The following RIC1 variants were observed in gnomAD, a reference collection of about 807,000 sequenced individuals.
RIC1 encodes the protein guanine nucleotide exchange factor subunit RIC1.
A neutral mutation model predicts 169.0 loss-of-function variants in RIC1; 88 were observed. That is an observed-to-expected ratio of 0.52 (90% CI 0.44 to 0.62). RIC1 has a LOEUF of 0.62. Ranked by LOEUF, RIC1 falls within the 20% of genes least tolerant of loss-of-function variation. RIC1 has a pLI of 0.00. For missense variants in RIC1, 1,877 were observed against 1,725.5 expected (o/e 1.09, Z -1.56); for synonymous variants, 790 against 601.5 (o/e 1.31, Z -4.59).
At chr9:5,739,515 A>G (rs991445773) in intron 8 of RIC1, among the ~76,000 whole-genome samples, 8 of 152,122 alleles carry the variant, frequency 5.3e-5, no homozygotes, top group Admixed American at 3.3e-4. Flanking sequence ...CTCATGGGTC[A>G]TACTCTCAAC....
chr9:5,646,990 TATAAG>T (rs1421070441), intron 1 of RIC1, among the ~76,000 whole-genome samples: 1 of 152,212 alleles, frequency 6.6e-6, no homozygotes, highest in African/African-American at 2.4e-5. Flanking sequence ...TTGTATATAG[TATAAG>T]ATAAGGGTCC....
chr9:5,720,729 G>A lies in RIC1; in HGVS notation c.699G>A (p.Val233=), dbSNP rs369332777. 5.6e-6 allele frequency: 9 copies of A among 1,609,014 alleles called. 1 individual carries two copies. The East Asian group carries it at 6.7e-5, about 12-fold the overall frequency. The change falls in exon 6 of 26, where the codon GTG becomes GTA. Residue 233 remains valine (V), a synonymous_variant. Transcript: ENST00000414202. ...GTAAAGTTGGATTTATTACACCAGT[G>A]TCAAGTAGATTTACTGCAGAGGTAT... ...NDGKVGFITP[V]SSRFTAEQLH... is the part of the protein sequence containing the mutation.
chr9:5,747,652 T>C, intron 12 of RIC1, 147 bp downstream of exon 12: 1 of 703,176 alleles, frequency 1.4e-6, no homozygotes, highest in East Asian at 2.7e-5. Flanking sequence ...TTTTCTGTGT[T>C]CTTGTCCTCT....
chr9:5,723,309 G>C (rs933661251), intron 6 of RIC1, among the ~76,000 whole-genome samples: 1 of 152,190 alleles, frequency 6.6e-6, no homozygotes, highest in African/African-American at 2.4e-5. Context: ...GATGGCCAGT[G>C]ATAATGAGCA....
intron 2 of RIC1, among the ~76,000 whole-genome samples, chr9:5,682,978 C>T (rs893831884): frequency 2.0e-5 from 3 of 152,186 alleles, no homozygotes; most frequent in Non-Finnish European, 4.4e-5. Context: ...CTTGCGCATT[C>T]GTCACGTAGT....
Position 5,691,794 on chromosome 9 carries a change from C to G in RIC1, c.332+1756C>G, listed in dbSNP as rs577412524. Among the ~76,000 whole-genome samples the G allele has an allele frequency of 1.4e-4, 21 of 152,006 alleles. No individual in the cohort carries two copies. The South Asian group carries it at 4.1e-3, about 30-fold the overall frequency. ...AGTAATCAGAAACAACAATTTAACTCCATTAATTTATGTTCCTGTGGGCAT... is the reference window on the plus strand; with the variant it reads ...AGTAATCAGAAACAACAATTTAACTGCATTAATTTATGTTCCTGTGGGCAT... On this transcript the variant is annotated intron_variant, in intron 3 of 25. Coordinates refer to ENST00000414202, the MANE Select transcript of RIC1 (RefSeq NM_020829.4).
rs117058660 is a variant in RIC1, at chr9:5,737,640, C to T, written c.813-810C>T. 9.0e-4 allele frequency among the ~76,000 whole-genome samples: 136 copies of T among 151,616 alleles called. No individual in the cohort carries two copies. The East Asian group carries it at 0.025, about 28-fold the overall frequency. On this transcript the variant is annotated intron_variant, in intron 7 of 25. Transcript: ENST00000414202. ...AACGTATATACTGTTGACCGTTGAA[C>T]AGCCCAGGGGTTAGAGGTACCAACC...
intron 6 of RIC1, 40 bp downstream of exon 6, chr9:5,720,790 T>C (rs1823543361): frequency 6.8e-7 from 1 of 1,475,362 alleles, no homozygotes; most frequent in Admixed American, 2.3e-5. Context: ...TGTTATTGTG[T>C]ACTTATTTTA....
intron 21 of RIC1, among the ~76,000 whole-genome samples, chr9:5,767,499 G>T (rs986328067): frequency 6.7e-6 from 1 of 149,960 alleles, no homozygotes; most frequent in East Asian, 1.9e-4. Context: ...TTTTCCCCAG[G>T]ACAACATGAA....
rs1373861756 is a variant in RIC1 at position 5,772,759 on chromosome 9, T to C, written c.3794+18T>C. ...CAGCTTCGGTGAGTTTCTTGGCTAT[T>C]TGAAATCACAGAATGCCTACTCAGA... is the stretch of plus-strand genomic sequence containing the variant. On this transcript the variant is annotated intron_variant, in intron 24 of 25. Transcript: ENST00000414202. 2 of 1,595,598 alleles carry C rather than the reference T, an allele frequency of 1.3e-6. No homozygotes were observed. The highest frequency in any genetic ancestry group is 1.1e-5 in the South Asian group (1 of 87,736).
chr9:5,726,296 A>G (rs986994124), intron 6 of RIC1, among the ~76,000 whole-genome samples: 11 of 152,110 alleles, frequency 7.2e-5, no homozygotes, highest in Admixed American at 2.6e-4. Flanking sequence ...TGATCCCTTT[A>G]GCATTATGCA....
chr9:5,687,763 A>G (rs1821340548), intron 2 of RIC1, among the ~76,000 whole-genome samples: 1 of 152,232 alleles, frequency 6.6e-6, no homozygotes, highest in Non-Finnish European at 1.5e-5. Flanking sequence ...TATCTTTTAA[A>G]GAAATTTAAG....
chr9:5,643,834 A>C (rs1586869530), intron 1 of RIC1, among the ~76,000 whole-genome samples: 1 of 152,194 alleles, frequency 6.6e-6, no homozygotes, highest in African/African-American at 2.4e-5. Context: ...TTTGGAATTT[A>C]CACCTGCCAC....
At chr9:5,651,599 T>C in intron 1 of RIC1, among the ~76,000 whole-genome samples, 1 of 136,846 alleles carries the variant, frequency 7.3e-6, no homozygotes, top group East Asian at 2.6e-4. Flanking sequence ...AGTCTCACCC[T>C]GTCCTTCATT....
At chr9:5,771,465 G>A (rs1221218116) in intron 23 of RIC1, among the ~76,000 whole-genome samples, 1 of 152,020 alleles carries the variant, frequency 6.6e-6, no homozygotes, top group African/African-American at 2.4e-5. Flanking sequence ...TTTGGCTATT[G>A]TGAATTATGC....
chr9:5,664,302 A>T (rs772077022), intron 2 of RIC1, among the ~76,000 whole-genome samples: 3 of 151,932 alleles, frequency 2.0e-5, no homozygotes, highest in Non-Finnish European at 4.4e-5. Flanking sequence ...AGTCCCAGCT[A>T]CTCAGGAGGC....
At chr9:5,650,107 G>T (rs544794221) in intron 1 of RIC1, among the ~76,000 whole-genome samples, 4 of 152,184 alleles carry the variant, frequency 2.6e-5, no homozygotes, top group African/African-American at 9.6e-5. Flanking sequence ...TCGGCCCCAG[G>T]GTACACAGGC....
intron 2 of RIC1, among the ~76,000 whole-genome samples, chr9:5,681,694 T>C (rs1201556440): frequency 1.3e-5 from 2 of 152,200 alleles, no homozygotes; most frequent in Admixed American, 1.3e-4. Flanking sequence ...TTCCTGGATA[T>C]CCTTGTTAAC....
At chr9:5,704,224 T>A (rs1308788922) in intron 3 of RIC1, among the ~76,000 whole-genome samples, 2 of 152,066 alleles carry the variant, frequency 1.3e-5, no homozygotes, top group Admixed American at 6.6e-5. Context: ...TCTTTTTTTT[T>A]TTTATTTTTT....
Sources: gnomAD v4.1 joint callset for allele counts (sites outside exome capture counted in the v4.1 genomes callset) on GRCh38, gnomAD v4.1.1 for gene constraint, MANE v1.5 for transcripts, NCBI Gene and HGNC (gene_info 2026-07-23, HGNC 2026-07-21) for gene names.